CALN1: variants seen among roughly 807,000 people sequenced by gnomAD.
CALN1 encodes calneuron 1.
CALN1 carries 17 observed loss-of-function variants against 30.6 expected under a neutral mutation model. That is an observed-to-expected ratio of 0.56 (90% CI 0.38 to 0.83). The LOEUF (loss-of-function observed/expected upper bound fraction) is 0.83, where lower values mean the gene tolerates loss of function less well. CALN1 is among the 40% of genes least tolerant of loss of function. CALN1 has a pLI of 0.00. For missense variants in CALN1, 291 were observed against 354.9 expected (o/e 0.82, Z 1.45); for synonymous variants, 156 against 131.4 (o/e 1.19, Z -1.28).
chr7:72,497,257 T>G, the CALN1 span, among the ~76,000 whole-genome samples: 1 of 152,114 alleles, frequency 6.6e-6, no homozygotes, highest in Admixed American at 6.6e-5. Context: ...CTGAACAATA[T>G]GGTGAAACCT....
chr7:72,272,392 T>C (rs79195682), intron 3 of CALN1, among the ~76,000 whole-genome samples: 1 of 151,888 alleles, frequency 6.6e-6, no homozygotes, highest in Non-Finnish European at 1.5e-5. Flanking sequence ...CAAAAACCCA[T>C]CTCTACCAAA....
chr7:72,479,816 G>T, the CALN1 span, among the ~76,000 whole-genome samples: 1 of 152,170 alleles, frequency 6.6e-6, no homozygotes, highest in Non-Finnish European at 1.5e-5. Context: ...TTCCCAAAGT[G>T]CTGGGATAAC....
rs145441812 is a variant in CALN1 at position 71,799,254 on chromosome 7, C to T, written c.658+11082G>A. 3.7e-3 allele frequency among the ~76,000 whole-genome samples: 558 copies of T among 152,134 alleles called. 8 individuals carry two copies. The highest frequency in any genetic ancestry group is 0.013 in the African/African-American group (538 of 41,476). On this transcript the variant is annotated intron_variant, in intron 6 of 6. Coordinates refer to ENST00000395275, the MANE Select transcript of CALN1 (RefSeq NM_031468.4). The stretch of plus-strand genomic sequence containing the variant: ...ATGAGGAAGATTGTATCATGATTCC[C>T]CTTTCACAGATGGAGAAAAGGAGAC...
At chr7:72,453,345 A>G in the CALN1 span, among the ~76,000 whole-genome samples, 1 of 152,206 alleles carries the variant, frequency 6.6e-6, no homozygotes, top group Non-Finnish European at 1.5e-5. Flanking sequence ...AGTCATATTT[A>G]TACGCACTTT....
intron 5 of CALN1, among the ~76,000 whole-genome samples, chr7:71,938,578 C>G (rs1795964699): frequency 6.6e-6 from 1 of 151,912 alleles, no homozygotes; most frequent in South Asian, 2.1e-4. Flanking sequence ...GGGCAGATCA[C>G]GAGGTCAGGA....
chr7:72,296,048 A>G (rs1040571546), intron 2 of CALN1, among the ~76,000 whole-genome samples: 1 of 152,072 alleles, frequency 6.6e-6, no homozygotes, highest in South Asian at 2.1e-4. Flanking sequence ...ATCAATACCT[A>G]ATTTACTGAG....
chr7:71,887,973 T>A (rs905746898), intron 5 of CALN1, among the ~76,000 whole-genome samples: 1 of 151,930 alleles, frequency 6.6e-6, no homozygotes, highest in Non-Finnish European at 1.5e-5. Flanking sequence ...GTTTGACATG[T>A]CTGTAGGGCA....
intron 6 of CALN1, among the ~76,000 whole-genome samples, chr7:71,793,855 C>A (rs1277880918): frequency 4.1e-5 from 6 of 147,408 alleles, no homozygotes; most frequent in Admixed American, 4.0e-4. Flanking sequence ...CAGAGCAAGA[C>A]TGTCTAAAAA....
chr7:72,373,769 G>A (rs1804385835), intron 2 of CALN1, among the ~76,000 whole-genome samples: 1 of 152,174 alleles, frequency 6.6e-6, no homozygotes. Context: ...GATTCAGTAA[G>A]CTCATAGAAT....
intron 4 of CALN1, among the ~76,000 whole-genome samples, chr7:72,039,471 T>G (rs1801995316): frequency 1.3e-5 from 2 of 152,250 alleles, no homozygotes; most frequent in Admixed American, 6.5e-5. Flanking sequence ...AGTCATCCAG[T>G]AACTTTTAGA....
intron 3 of CALN1, among the ~76,000 whole-genome samples, chr7:72,267,997 AGTCT>A (rs773693377): frequency 2.0e-5 from 3 of 152,228 alleles, no homozygotes; most frequent in Admixed American, 6.5e-5. Flanking sequence ...ACAGAATGAC[AGTCT>A]GTCTTTAAAA....
At chr7:72,092,141 T>C (rs1389165527) in intron 4 of CALN1, among the ~76,000 whole-genome samples, 1 of 152,222 alleles carries the variant, frequency 6.6e-6, no homozygotes, top group African/African-American at 2.4e-5. Flanking sequence ...GCTATCTTTG[T>C]GAATTTGTTG....
chr7:71,987,356 C>G (rs973173212), intron 5 of CALN1, among the ~76,000 whole-genome samples: 1 of 152,178 alleles, frequency 6.6e-6, no homozygotes, highest in Non-Finnish European at 1.5e-5. Context: ...CAAGTCCATG[C>G]GGGGGCTGTG....
intron 3 of CALN1, among the ~76,000 whole-genome samples, chr7:72,107,613 T>A (rs1360384419): frequency 6.6e-6 from 1 of 151,890 alleles, no homozygotes; most frequent in Non-Finnish European, 1.5e-5. Context: ...GAATTGGAGG[T>A]CACAGTGTGA....
chr7:72,366,032 A>T (rs888980246), intron 2 of CALN1, among the ~76,000 whole-genome samples: 11 of 152,196 alleles, frequency 7.2e-5, no homozygotes, highest in African/African-American at 2.7e-4. Context: ...AGACATGTTT[A>T]TAAGGATGTG....
intron 5 of CALN1, among the ~76,000 whole-genome samples, chr7:71,817,081 C>T (rs1306745297): frequency 9.9e-5 from 15 of 152,112 alleles, no homozygotes; most frequent in African/African-American, 2.4e-5. Flanking sequence ...CATATATCAC[C>T]TATATTGTCA....
the CALN1 span, among the ~76,000 whole-genome samples, chr7:72,501,928 A>ATATATATATATATATATATATAT: frequency 1.7e-5 from 1 of 57,968 alleles, no homozygotes; most frequent in African/African-American, 9.9e-5. Context: ...AAAAAAAAAA[A>ATATATATATATATATATATATAT]ATATATATAT....
In CALN1 at chr7:72,331,202, T is replaced by C. The variant is rs1054531793; in HGVS notation, c.120-52392A>G. Among the ~76,000 whole-genome samples the C allele has an allele frequency of 1.1e-4, 16 of 151,946 alleles. No individual in the cohort carries two copies. The South Asian group carries it at 1.7e-3, about 16-fold the overall frequency. On this transcript the variant is annotated intron_variant, in intron 2 of 6. Transcript: ENST00000395275. ...CCGTCTCTACTAAAAATACAAAAAT[T>C]AGCCGGGCATGGTGGCGGGAGCCCA...
At chr7:71,905,047 T>C (rs1483015354) in intron 5 of CALN1, among the ~76,000 whole-genome samples, 1 of 152,156 alleles carries the variant, frequency 6.6e-6, no homozygotes, top group East Asian at 1.9e-4. Context: ...CAAGCAATTC[T>C]CCTGCCTCAG....
Sources: gnomAD v4.1 joint callset for allele counts (sites outside exome capture counted in the v4.1 genomes callset) on GRCh38, gnomAD v4.1.1 for gene constraint, MANE v1.5 for transcripts, NCBI Gene and HGNC (gene_info 2026-07-23, HGNC 2026-07-21) for gene names.